MAPKAPK3: variants seen among roughly 807,000 people sequenced by gnomAD.
MAPKAPK3 encodes the protein MAP kinase-activated protein kinase 3.
Under a neutral mutation model 49.2 loss-of-function variants are expected in MAPKAPK3, and 35 were observed. That is an observed-to-expected ratio of 0.71 (90% confidence interval 0.54 to 0.94). The LOEUF (loss-of-function observed/expected upper bound fraction) is 0.94. Ranked by LOEUF, MAPKAPK3 falls within the 40% of genes least tolerant of loss-of-function variation. The pLI, the probability that MAPKAPK3 is intolerant of heterozygous loss-of-function variation, is 0.00. For synonymous variants in MAPKAPK3, 178 were observed against 188.7 expected, an observed-to-expected ratio of 0.94 and a Z score of 0.46; for missense variants, 398 against 493.1, an observed-to-expected ratio of 0.81 and a Z score of 1.83.
chr3:50,625,901 C>G (rs79176091), intron 2 of MAPKAPK3, among the ~76,000 whole-genome samples: 11,009 of 152,104 alleles, frequency 0.072, 530 homozygotes, highest in Non-Finnish European at 0.11. Flanking sequence ...CTCACTCCCC[C>G]ACCCCCACCC....
intron 3 of MAPKAPK3, 146 bp from the exon 4 acceptor site, chr3:50,641,561 A>G (rs776397699): frequency 4.2e-6 from 3 of 709,554 alleles, no homozygotes; most frequent in Admixed American, 2.1e-5. Context: ...CAGGTTCTAC[A>G]AGGGACAGGG....
intron 2 of MAPKAPK3, among the ~76,000 whole-genome samples, chr3:50,619,830 G>A (rs1030802743): frequency 1.3e-5 from 2 of 152,160 alleles, no homozygotes; most frequent in Non-Finnish European, 1.5e-5. Flanking sequence ...GGTAACTTCT[G>A]ACTGCAAGAA....
At chr3:50,626,424 C>T (rs2032744559) in intron 2 of MAPKAPK3, among the ~76,000 whole-genome samples, 1 of 152,186 alleles carries the variant, frequency 6.6e-6, no homozygotes, top group Non-Finnish European at 1.5e-5. Flanking sequence ...CTGCACCTGA[C>T]CACCCTTGCC....
upstream of MAPKAPK3, among the ~76,000 whole-genome samples, chr3:50,613,208 C>T (rs956126470): frequency 2.0e-5 from 3 of 152,126 alleles, no homozygotes; most frequent in African/African-American, 4.8e-5. Flanking sequence ...GATGACAGAC[C>T]CCTGGCCTTG....
intron 2 of MAPKAPK3, among the ~76,000 whole-genome samples, chr3:50,635,650 C>T (rs1472194822): frequency 1.3e-5 from 2 of 151,292 alleles, no homozygotes; most frequent in African/African-American, 4.9e-5. Context: ...CTCCTGATCT[C>T]GTGATACACC....
intron 2 of MAPKAPK3, among the ~76,000 whole-genome samples, chr3:50,629,651 G>A (rs2032853537): frequency 6.6e-6 from 1 of 152,152 alleles, no homozygotes; most frequent in South Asian, 2.1e-4. Flanking sequence ...TGCTGTGCAT[G>A]GTCCCTGGTC....
chr3:50,646,039 T>A, intron 7 of MAPKAPK3, 101 bp from the exon 8 acceptor site: 6 of 1,421,098 alleles, frequency 4.2e-6, no homozygotes, highest in African/African-American at 2.8e-5. Flanking sequence ...ATTGCTATGG[T>A]GTCTGGTTGT....
chr3:50,611,584 G>A, upstream of MAPKAPK3: 1 of 1,523,818 alleles, frequency 6.6e-7, no homozygotes, highest in Non-Finnish European at 8.8e-7. Context: ...CTGTTCTCCC[G>A]TGCGCCCCTC....
intron 2 of MAPKAPK3, among the ~76,000 whole-genome samples, chr3:50,637,659 A>G (rs1288375450): frequency 2.7e-5 from 4 of 149,822 alleles, no homozygotes; most frequent in Non-Finnish European, 5.9e-5. Context: ...AAGAAAAAGA[A>G]AAAAAGGTGC....
At chr3:50,622,307 A>T (rs2032628320) in intron 2 of MAPKAPK3, among the ~76,000 whole-genome samples, 1 of 152,156 alleles carries the variant, frequency 6.6e-6, no homozygotes, top group African/African-American at 2.4e-5. Flanking sequence ...GTGGCATTCA[A>T]AGTCTCTGCA....
chr3:50,633,152 G>T (rs1328110797), intron 2 of MAPKAPK3, among the ~76,000 whole-genome samples: 1 of 152,118 alleles, frequency 6.6e-6, no homozygotes, highest in African/African-American at 2.4e-5. Flanking sequence ...TGCACAGGCT[G>T]TCTTAGGTTG....
intron 8 of MAPKAPK3, 84 bp from the exon 9 acceptor site, chr3:50,646,656 C>CA: frequency 4.8e-6 from 6 of 1,251,526 alleles, no homozygotes; most frequent in Non-Finnish European, 7.0e-6. Context: ...GCCCCTGCCC[C>CA]AGCAGAGCTT....
chr3:50,647,116 C>A lies in MAPKAPK3; in HGVS notation c.916-7C>A. 6.4e-7 allele frequency: 1 copy of A among 1,571,332 alleles called. No homozygotes were observed. Among genetic ancestry groups the A allele is most frequent in the Non-Finnish European group, 8.6e-7 (1 of 1,157,916 alleles). On this transcript the variant is annotated splice_region_variant and splice_polypyrimidine_tract_variant and intron_variant, in intron 9 of 10. Transcript: ENST00000621469. The stretch of plus-strand genomic sequence containing the variant: ...TTTCTAATCCACGGGCGTGGGGCTC[C>A]TTCCAGCAATCGATGGTAGTGCCAC...
chr3:50,644,559 C>G, intron 6 of MAPKAPK3, 27 bp downstream of exon 6: 1 of 1,612,736 alleles, frequency 6.2e-7, no homozygotes, highest in South Asian at 1.1e-5. Context: ...TGAGTTGTAA[C>G]TCCTCACCCC....
In MAPKAPK3 at chr3:50,643,616, C is replaced by T. The variant is rs954663145; in HGVS notation, c.505-793C>T. ...TATTTGGACCCTGGCTTTTTTTTCC[C>T]GAAGAGAGAAAAGCCTTCTGCAGAG... On this transcript the variant is annotated intron_variant, in intron 5 of 10. Coordinates refer to ENST00000621469, the MANE Select transcript of MAPKAPK3 (RefSeq NM_001243925.2). Among the ~76,000 whole-genome samples the T allele has an allele frequency of 9.2e-5, 14 of 151,996 alleles. No homozygotes were observed. In the East Asian group the frequency reaches 2.3e-3, roughly 25 times the overall value.
chr3:50,629,914 A>C (rs907278624), intron 2 of MAPKAPK3, among the ~76,000 whole-genome samples: 2 of 152,198 alleles, frequency 1.3e-5, no homozygotes. Context: ...TGTGTTGGCT[A>C]TCCTGTCCCA....
At chr3:50,644,797 T>C (rs1270971750) in intron 6 of MAPKAPK3, among the ~76,000 whole-genome samples, 5 of 152,186 alleles carry the variant, frequency 3.3e-5, no homozygotes, top group African/African-American at 4.8e-5. Flanking sequence ...GCTCTAAATA[T>C]ATATGTGATA....
intron 2 of MAPKAPK3, among the ~76,000 whole-genome samples, chr3:50,622,954 C>T (rs1034662535): frequency 1.3e-5 from 2 of 152,244 alleles, no homozygotes; most frequent in Non-Finnish European, 2.9e-5. Flanking sequence ...ATGCCTCACT[C>T]TCCCTGGGGG....
At chr3:50,623,612 C>T (rs1463495393) in intron 2 of MAPKAPK3, among the ~76,000 whole-genome samples, 1 of 152,206 alleles carries the variant, frequency 6.6e-6, no homozygotes, top group Admixed American at 6.5e-5. Context: ...GTCCACAGTG[C>T]ACAACAAGGC....
Sources: allele counts gnomAD v4.1 joint callset (sites outside exome capture counted in the v4.1 genomes callset), GRCh38; gene constraint gnomAD v4.1.1; transcripts MANE v1.5; gene names NCBI Gene and HGNC (gene_info 2026-07-23, HGNC 2026-07-21).